CHSY1: variants seen among roughly 807,000 people sequenced by gnomAD.
The protein encoded by CHSY1 is N-acetylgalactosaminyl-proteoglycan 3-beta-glucuronosyltransferase 1.
A neutral mutation model predicts 59.8 loss-of-function variants in CHSY1; 13 were observed. The ratio of observed to expected loss-of-function variants is 0.22; its 90% CI spans 0.14 to 0.35. The LOEUF (loss-of-function observed/expected upper bound fraction) is 0.35. Ranked by LOEUF, CHSY1 falls within the 10% of genes least tolerant of loss-of-function variation. The pLI is 1.00. For missense variants in CHSY1, 947 were observed against 1,030.6 expected, an observed-to-expected ratio of 0.92 and a Z score of 1.11; for synonymous variants, 459 against 401.2, an observed-to-expected ratio of 1.14 and a Z score of -1.72.
In CHSY1 at chr15:101,178,401, G is replaced by T; in HGVS notation, c.1396C>A (p.Pro466Thr). 8 of 1,612,546 alleles carry T rather than the reference G, an allele frequency of 5.0e-6. No individual in the cohort carries two copies. The highest frequency in any genetic ancestry group is 6.8e-6 in the Non-Finnish European group (8 of 1,178,618). The change falls in exon 3 of 3, where the codon CCT becomes ACT. Residue 466 changes from proline (P) to threonine (T), a missense_variant. This residue lies in a region of CHSY1 where 602 missense variants were observed against 676.9 expected (regional missense o/e 0.89). Transcript: ENST00000254190. ...TGTAAATACGCGTGCCTCCTCACAGGGACCGTCATTTTCTTCCCTTTGTGC... is the reference window on the plus strand; with the variant it reads ...TGTAAATACGCGTGCCTCCTCACAGTGACCGTCATTTTCTTCCCTTTGTGC... ...KKHKGKKMTV[P>T]VRRHAYLQQT...
chr15:101,236,774 G>A (rs1403712424), intron 1 of CHSY1, among the ~76,000 whole-genome samples: 7 of 152,172 alleles, frequency 4.6e-5, no homozygotes, highest in Non-Finnish European at 1.0e-4. Context: ...GCAGCGAGCC[G>A]AGATCGTGCC....
chr15:101,210,401 G>A (rs191182266), intron 2 of CHSY1, among the ~76,000 whole-genome samples: 1 of 152,142 alleles, frequency 6.6e-6, no homozygotes, highest in East Asian at 1.9e-4. Context: ...TTTAAACAAC[G>A]TCTAGAAGAG....
At chr15:101,191,807 T>C (rs924280708) in intron 2 of CHSY1, among the ~76,000 whole-genome samples, 4 of 152,196 alleles carry the variant, frequency 2.6e-5, no homozygotes, top group Non-Finnish European at 5.9e-5. Flanking sequence ...GTTAAGTAGA[T>C]TGTAGGGGAA....
At chr15:101,234,678 C>T (rs946326291) in intron 2 of CHSY1, among the ~76,000 whole-genome samples, 2 of 152,150 alleles carry the variant, frequency 1.3e-5, no homozygotes, top group Non-Finnish European at 2.9e-5. Context: ...ACCAGCCTGG[C>T]CAGCATGGTG....
At chr15:101,192,838 C>T (rs900195855) in intron 2 of CHSY1, among the ~76,000 whole-genome samples, 7 of 152,210 alleles carry the variant, frequency 4.6e-5, no homozygotes, top group African/African-American at 1.7e-4. Flanking sequence ...ATTCAACTAT[C>T]CTTTTAGCTA....
chr15:101,234,480 T>C (rs1303693115), intron 2 of CHSY1, among the ~76,000 whole-genome samples: 9 of 152,246 alleles, frequency 5.9e-5, no homozygotes, highest in Non-Finnish European at 1.2e-4. Context: ...GATGATTTTC[T>C]GGATAATCAA....
rs1410407655 is a variant in CHSY1, at chr15:101,207,261, TAA to T, written c.816+27819_816+27820del. ...TTCTTCTATACCTCATTTTTGGAAA[TAA>T]AAAGTCTTTGGCTGAAAGCAAAGGA... On this transcript the variant is annotated intron_variant, in intron 2 of 2. Coordinates refer to ENST00000254190, the MANE Select transcript of CHSY1 (RefSeq NM_014918.5). 2.0e-5 allele frequency among the ~76,000 whole-genome samples: 3 copies of T among 152,296 alleles called. No homozygotes were observed. In the East Asian group the frequency reaches 5.8e-4, roughly 29 times the overall value.
chr15:101,181,193 G>A (rs117597856), intron 2 of CHSY1, among the ~76,000 whole-genome samples: 2,468 of 152,246 alleles, frequency 0.016, 31 homozygotes, highest in East Asian at 0.069. Context: ...GACTGCACCT[G>A]AGGATCTCAT....
intron 2 of CHSY1, among the ~76,000 whole-genome samples, chr15:101,223,042 G>A (rs976227581): frequency 1.2e-4 from 19 of 152,216 alleles, no homozygotes; most frequent in Admixed American, 1.2e-3. Context: ...TGCCCAGGCT[G>A]TAGTGCAGTG....
chr15:101,249,560 C>G (rs1226492782), intron 1 of CHSY1, among the ~76,000 whole-genome samples: 2 of 137,074 alleles, frequency 1.5e-5, no homozygotes, highest in South Asian at 2.2e-4. Context: ...GTAGCCCAGG[C>G]TGGAGTGCAG....
chr15:101,198,652 C>G (rs139933069), intron 2 of CHSY1, among the ~76,000 whole-genome samples: 2,801 of 152,282 alleles, frequency 0.018, 84 homozygotes, highest in African/African-American at 0.063. Flanking sequence ...AACTGGATAA[C>G]TTGAGAGGAA....
intron 2 of CHSY1, among the ~76,000 whole-genome samples, chr15:101,221,005 C>T (rs1321568924): frequency 2.0e-5 from 3 of 152,028 alleles, no homozygotes; most frequent in Admixed American, 2.0e-4. Flanking sequence ...ATCAGTCGGC[C>T]GCCTTATCAT....
rs145351162 is a variant in CHSY1, at chr15:101,221,996, C to T, written c.816+13086G>A. On this transcript the variant is annotated intron_variant, in intron 2 of 2. Transcript: ENST00000254190. ...CCCGAGCGTTAAATTGCTGAGTGAA[C>T]GCTGAAAGATCTTTTTAGCCAGGGA... Among the ~76,000 whole-genome samples the T allele has an allele frequency of 1.0e-3, 157 of 152,112 alleles. 2 individuals carry two copies. In the East Asian group the frequency reaches 0.027, roughly 26 times the overall value.
chr15:101,190,694 TCA>T (rs987049836), intron 2 of CHSY1, among the ~76,000 whole-genome samples: 3 of 152,292 alleles, frequency 2.0e-5, no homozygotes, highest in East Asian at 1.9e-4. Flanking sequence ...AAGAAAATAT[TCA>T]CAGACTTATA....
chr15:101,197,000 T>C (rs2038515018), intron 2 of CHSY1, among the ~76,000 whole-genome samples: 1 of 152,268 alleles, frequency 6.6e-6, no homozygotes, highest in Non-Finnish European at 1.5e-5. Flanking sequence ...TTTTATTCTT[T>C]GTTTACCTAC....
intron 1 of CHSY1, among the ~76,000 whole-genome samples, chr15:101,246,724 A>G (rs1365787910): frequency 6.6e-6 from 1 of 152,242 alleles, no homozygotes; most frequent in East Asian, 1.9e-4. Context: ...TACCCTTTCT[A>G]GAATTAGGAA....
At chr15:101,228,302 G>C (rs2038860700) in intron 2 of CHSY1, among the ~76,000 whole-genome samples, 1 of 151,708 alleles carries the variant, frequency 6.6e-6, no homozygotes, top group Non-Finnish European at 1.5e-5. Context: ...AGAGAGAAAG[G>C]GGCAGAAATA....
intron 2 of CHSY1, among the ~76,000 whole-genome samples, chr15:101,200,963 G>A (rs935311973): frequency 6.6e-6 from 1 of 152,262 alleles, no homozygotes; most frequent in Non-Finnish European, 1.5e-5. Flanking sequence ...CCATGTGTGC[G>A]AAGTCAGCCA....
intron 1 of CHSY1, among the ~76,000 whole-genome samples, chr15:101,239,516 GGTT>G (rs2038980311): frequency 6.6e-6 from 1 of 152,210 alleles, no homozygotes; most frequent in South Asian, 2.1e-4. Context: ...TGTAAACGGG[GGTT>G]GTTGTGAGGG....
Sources: allele counts gnomAD v4.1 joint callset (sites outside exome capture counted in the v4.1 genomes callset), GRCh38; gene constraint gnomAD v4.1.1; regional missense constraint gnomAD v4.1.1; transcripts MANE v1.5; gene names NCBI Gene and HGNC (gene_info 2026-07-23, HGNC 2026-07-21).